The following NTRK2 variants were observed in gnomAD, a reference collection of about 807,000 sequenced individuals.
NTRK2 encodes neurotrophic receptor tyrosine kinase 2.
A neutral mutation model predicts 94.5 loss-of-function variants in NTRK2; 13 were observed. That is an observed-to-expected ratio of 0.14 (90% CI 0.09 to 0.22). NTRK2 has a LOEUF of 0.22. Ranked by LOEUF, NTRK2 falls within the 10% of genes least tolerant of loss-of-function variation. The pLI is 1.00. For synonymous variants in NTRK2, 372 were observed against 407.4 expected, an observed-to-expected ratio of 0.91 and a Z score of 1.05; for missense variants, 639 against 1,071.2, an observed-to-expected ratio of 0.60 and a Z score of 5.63.
intron 13 of NTRK2, among the ~76,000 whole-genome samples, chr9:84,864,479 G>T (rs952290852): frequency 6.6e-6 from 1 of 152,078 alleles, no homozygotes; most frequent in Non-Finnish European, 1.5e-5. Context: ...AACATCACCT[G>T]TTCCCCAAAC....
chr9:84,763,295 A>G (rs151022286), intron 12 of NTRK2, among the ~76,000 whole-genome samples: 29 of 151,996 alleles, frequency 1.9e-4, no homozygotes, highest in African/African-American at 5.8e-4. Flanking sequence ...TAACCCTCAT[A>G]CTTGACCTGG....
intron 17 of NTRK2, among the ~76,000 whole-genome samples, chr9:84,984,513 T>A (rs1371870545): frequency 6.7e-6 from 1 of 149,440 alleles, no homozygotes; most frequent in Admixed American, 6.7e-5. Flanking sequence ...AAAAAAAAGA[T>A]TTCTAGGTTC....
At chr9:84,989,833 C>A (rs1828822456) in intron 17 of NTRK2, among the ~76,000 whole-genome samples, 1 of 152,160 alleles carries the variant, frequency 6.6e-6, no homozygotes, top group Admixed American at 6.5e-5. Context: ...TGTGTCCTCA[C>A]TTTCAAAAAA....
intron 2 of NTRK2, among the ~76,000 whole-genome samples, chr9:84,674,307 T>C (rs2058894569): frequency 6.6e-6 from 1 of 152,214 alleles, no homozygotes; most frequent in East Asian, 1.9e-4. Context: ...AACAGCCTTA[T>C]ATTTTTCCTC....
chr9:84,672,013 A>C (rs1484891869), intron 2 of NTRK2, among the ~76,000 whole-genome samples: 2 of 152,144 alleles, frequency 1.3e-5, no homozygotes, highest in African/African-American at 4.8e-5. Context: ...AGTTTCTCCC[A>C]GTTTTCCTTA....
intron 14 of NTRK2, among the ~76,000 whole-genome samples, chr9:84,886,489 C>G (rs1392768313): frequency 2.0e-5 from 3 of 152,156 alleles, no homozygotes; most frequent in Non-Finnish European, 4.4e-5. Context: ...AAGCTCAGGG[C>G]CACTGCCATT....
At chr9:84,830,027 C>T (rs2073433625) in intron 12 of NTRK2, among the ~76,000 whole-genome samples, 1 of 152,210 alleles carries the variant, frequency 6.6e-6, no homozygotes, top group African/African-American at 2.4e-5. Flanking sequence ...GTTTAGGGAA[C>T]ACCCCCTTCT....
At chr9:84,864,974 C>T (rs774690616) in intron 13 of NTRK2, among the ~76,000 whole-genome samples, 3 of 151,942 alleles carry the variant, frequency 2.0e-5, no homozygotes, top group Non-Finnish European at 4.4e-5. Context: ...CTCCTAACCT[C>T]GTGATCTGCC....
intron 17 of NTRK2, 49 bp downstream of exon 17, chr9:84,955,566 G>C (rs2132981809): frequency 6.9e-7 from 1 of 1,448,992 alleles, no homozygotes; most frequent in Non-Finnish European, 9.6e-7. Context: ...TTCCCTGCGG[G>C]ACCCCTGCTG....
rs182775224 is a variant in NTRK2 at position 84,934,520 on chromosome 9, G to T, written c.1764+228G>T. ...CACTGACAAGTCTGCAGGCTGTGAAGAGCTCTGAGCTACTCTTCCAAGTCC... is the reference window on the plus strand; with the variant it reads ...CACTGACAAGTCTGCAGGCTGTGAATAGCTCTGAGCTACTCTTCCAAGTCC... On this transcript the variant is annotated intron_variant, in intron 15 of 18. Transcript: ENST00000277120. Among the ~76,000 whole-genome samples the T allele has an allele frequency of 2.0e-3, 309 of 152,336 alleles. 1 individual carries two copies. Among genetic ancestry groups the T allele is most frequent in the Middle Eastern group, 6.8e-3 (2 of 294 alleles).
chr9:84,768,849 G>C (rs1186850935), intron 12 of NTRK2, among the ~76,000 whole-genome samples: 6 of 152,108 alleles, frequency 3.9e-5, no homozygotes, highest in Non-Finnish European at 7.4e-5. Context: ...TCAGGGGTAA[G>C]GGGGGATCCT....
intron 2 of NTRK2, 73 bp from the exon 3 acceptor site, chr9:84,702,086 G>T: frequency 7.3e-7 from 1 of 1,376,930 alleles, no homozygotes; most frequent in South Asian, 1.2e-5. Flanking sequence ...CCTGGGTGAG[G>T]TGGATGGGAG....
chr9:84,698,371 T>A (rs1257093331), intron 2 of NTRK2, among the ~76,000 whole-genome samples: 1 of 138,100 alleles, frequency 7.2e-6, no homozygotes, highest in Non-Finnish European at 1.5e-5. Flanking sequence ...AATATGTAGA[T>A]CTGATTTAAT....
chr9:84,942,320 C>T (rs568469119), intron 15 of NTRK2, among the ~76,000 whole-genome samples: 1 of 152,342 alleles, frequency 6.6e-6, no homozygotes, highest in African/African-American at 2.4e-5. Flanking sequence ...GACACTTCCT[C>T]TACCTATTTT....
chr9:84,936,277 G>A (rs2078210451), intron 15 of NTRK2, among the ~76,000 whole-genome samples: 1 of 152,212 alleles, frequency 6.6e-6, no homozygotes, highest in African/African-American at 2.4e-5. Flanking sequence ...CCTTTAAGGA[G>A]AGTGTGTTGC....
At chr9:84,698,000 A>G (rs567855098) in intron 2 of NTRK2, among the ~76,000 whole-genome samples, 1 of 152,212 alleles carries the variant, frequency 6.6e-6, no homozygotes, top group African/African-American at 2.4e-5. Context: ...TAAAAATTCA[A>G]AAAAGTATAA....
At chr9:84,884,046 C>A (rs970522843) in intron 14 of NTRK2, among the ~76,000 whole-genome samples, 1 of 152,140 alleles carries the variant, frequency 6.6e-6, no homozygotes, top group Non-Finnish European at 1.5e-5. Flanking sequence ...GTGATTTGAT[C>A]TGTACAAAAT....
intron 2 of NTRK2, among the ~76,000 whole-genome samples, chr9:84,698,204 T>A (rs2060504679): frequency 6.6e-6 from 1 of 152,142 alleles, no homozygotes; most frequent in African/African-American, 2.4e-5. Context: ...ATCATCTTTC[T>A]ATACTTGGCA....
chr9:84,777,567 T>G (rs775066473), intron 12 of NTRK2, among the ~76,000 whole-genome samples: 6 of 152,160 alleles, frequency 3.9e-5, no homozygotes, highest in Non-Finnish European at 7.3e-5. Flanking sequence ...ACGAATAGTT[T>G]TACACAGCAT....
Sources: gnomAD v4.1 joint callset for allele counts (sites outside exome capture counted in the v4.1 genomes callset) on GRCh38, gnomAD v4.1.1 for gene constraint, MANE v1.5 for transcripts, NCBI Gene and HGNC (gene_info 2026-07-23, HGNC 2026-07-21) for gene names.